ZNF420: variants seen among roughly 807,000 people sequenced by gnomAD.
ZNF420 encodes the protein zinc finger protein 420.
ZNF420 carries 31 observed loss-of-function variants against 44.7 expected under a neutral mutation model. The ratio of observed to expected loss-of-function variants is 0.69; its 90% CI spans 0.52 to 0.94. The LOEUF is 0.94. Among genes scored for constraint, ZNF420 ranks in the 40% least tolerant of loss-of-function variants. ZNF420 has a pLI of 0.00. For synonymous variants in ZNF420, 245 were observed against 267.4 expected (o/e 0.92, Z 0.82); for missense variants, 681 against 827.9 (o/e 0.82, Z 2.18).
chr19:37,023,817 C>T (rs2074666619), intron 1 of ZNF420, among the ~76,000 whole-genome samples: 1 of 152,080 alleles, frequency 6.6e-6, no homozygotes, highest in African/African-American at 2.4e-5. Context: ...AAGAGCTTAA[C>T]CATATCTAAA....
intron 1 of ZNF420, among the ~76,000 whole-genome samples, chr19:37,037,840 G>A (rs1466437626): frequency 6.6e-6 from 1 of 152,198 alleles, no homozygotes; most frequent in Non-Finnish European, 1.5e-5. Context: ...AATGTCGTGT[G>A]ACTAGCTCTA....
At chr19:37,121,444 C>G (rs377259491) in intron 4 of ZNF420, among the ~76,000 whole-genome samples, 2,607 of 149,672 alleles carry the variant, frequency 0.017, 52 homozygotes, top group East Asian at 0.046. Flanking sequence ...GAAACTGGAT[C>G]CCTTCCTTAC....
At chr19:37,030,362 C>T (rs1479207004) in intron 1 of ZNF420, among the ~76,000 whole-genome samples, 1 of 152,180 alleles carries the variant, frequency 6.6e-6, no homozygotes, top group African/African-American at 2.4e-5. Context: ...GGGGTTTCAC[C>T]GTGTTAGCCA....
intron 2 of ZNF420, among the ~76,000 whole-genome samples, chr19:37,086,884 T>C (rs1299424450): frequency 6.6e-6 from 1 of 152,212 alleles, no homozygotes; most frequent in African/African-American, 2.4e-5. Context: ...GGAACATGCA[T>C]TTTTATCTTG....
In ZNF420 at chr19:37,071,270, C is replaced by T. The variant is rs12462205; in HGVS notation, c.-124-9075C>T. 6.1e-3 allele frequency among the ~76,000 whole-genome samples: 936 copies of T among 152,252 alleles called. 28 individuals carry two copies. The highest frequency in any genetic ancestry group is 0.049 in the East Asian group (256 of 5,180). ...CATAAAAATGAATGGATTATAGCTACACTACTTAATCTCAGGAACATAATG... is the reference window on the plus strand; with the variant it reads ...CATAAAAATGAATGGATTATAGCTATACTACTTAATCTCAGGAACATAATG... On this transcript the variant is annotated intron_variant, in intron 1 of 4. Coordinates refer to the ZNF420 transcript ENST00000587029.
At chr19:37,044,171 A>G (rs149909969) in intron 1 of ZNF420, among the ~76,000 whole-genome samples, 137 of 152,328 alleles carry the variant, frequency 9.0e-4, no homozygotes, top group African/African-American at 3.2e-3. Context: ...GGCATCTGCC[A>G]CTTCTGACCT....
intron 1 of ZNF420, among the ~76,000 whole-genome samples, chr19:37,040,593 T>C (rs564612544): frequency 5.9e-5 from 9 of 152,276 alleles, no homozygotes; most frequent in South Asian, 2.1e-4. Flanking sequence ...TAAAACAAGA[T>C]ACCACATAAA....
intron 4 of ZNF420, among the ~76,000 whole-genome samples, chr19:37,100,063 C>T (rs1014083629): frequency 3.3e-5 from 5 of 152,282 alleles, no homozygotes; most frequent in Middle Eastern, 3.4e-3. Flanking sequence ...GTCTGTTTCC[C>T]TGTGTTTTCT....
At chr19:37,087,697 G>T (rs1376361281) in intron 2 of ZNF420, among the ~76,000 whole-genome samples, 1 of 152,196 alleles carries the variant, frequency 6.6e-6, no homozygotes, top group Non-Finnish European at 1.5e-5. Context: ...CCAGGCTGGA[G>T]TGCAGTGGCG....
chr19:37,033,596 T>G (rs547512752), intron 1 of ZNF420, among the ~76,000 whole-genome samples: 1 of 152,296 alleles, frequency 6.6e-6, no homozygotes, highest in East Asian at 1.9e-4. Context: ...TGTTTATCCA[T>G]TCCTCTGTCA....
intron 1 of ZNF420, among the ~76,000 whole-genome samples, chr19:37,039,701 CTTTT>C (rs3051691): frequency 1.4e-5 from 2 of 143,798 alleles, no homozygotes; most frequent in Non-Finnish European, 1.5e-5. Flanking sequence ...ATGTTTCTTT[CTTTT>C]TTTTTTTTTT....
At chr19:37,080,130 A>G (rs1968356883) in intron 1 of ZNF420, among the ~76,000 whole-genome samples, 1 of 152,222 alleles carries the variant, frequency 6.6e-6, no homozygotes, top group Non-Finnish European at 1.5e-5. Context: ...TCTCCAGTGT[A>G]CAGCTTTGAA....
At chr19:37,017,036 A>G (rs2074613735) in intron 1 of ZNF420, among the ~76,000 whole-genome samples, 1 of 152,202 alleles carries the variant, frequency 6.6e-6, no homozygotes, top group African/African-American at 2.4e-5. Flanking sequence ...GGGGGATATG[A>G]GCAGGTGACC....
intron 1 of ZNF420, among the ~76,000 whole-genome samples, chr19:37,016,768 T>C (rs1017202640): frequency 6.6e-6 from 1 of 152,202 alleles, no homozygotes; most frequent in Non-Finnish European, 1.5e-5. Context: ...ATGACGCTAC[T>C]GGGACCCCTC....
Position 37,128,246 on chromosome 19 carries a change from T to C in ZNF420, c.1255T>C (p.Tyr419His). The C allele has an allele frequency of 6.2e-7, 1 of 1,614,068 alleles. No homozygotes were observed. The highest frequency in any genetic ancestry group is 8.5e-7 in the Non-Finnish European group (1 of 1,179,958). The change falls in exon 5 of 5, where the codon TAT (tyrosine) becomes CAT (histidine). Residue 419 changes from tyrosine to histidine, a missense_variant. By Grantham distance (83) the Tyr-to-His change is moderately conservative. Around this residue, in one of 3 missense-constraint regions of ZNF420, gnomAD observed 280 missense variants for 338.6 expected, o/e 0.83. Coordinates refer to ENST00000337995, the MANE Select transcript of ZNF420 (RefSeq NM_144689.5). ...GAGAATACACACTGGTGAGAAACCC[T>C]ATCAATGTAAGGAATGTGGAAAAGC... ...HQRIHTGEKP[Y>H]QCKECGKAFN...
rs1971516001 is a variant in ZNF420, at chr19:37,128,936, G to A, written c.1945G>A (p.Gly649Arg). The A allele has an allele frequency of 6.2e-7, 1 of 1,614,086 alleles. No individual in the cohort carries two copies. Among genetic ancestry groups the A allele is most frequent in the Admixed American group, 1.7e-5 (1 of 60,014 alleles). ...GAAACCATATCAATGTAAGGAATGT[G>A]GGAAGGCCTTTACTCGTGGTTCACA... The part of the protein sequence containing the change: ...GEKPYQCKEC[G>R]KAFTRGSQLT... The change falls in exon 5 of 5, where the codon GGG (glycine) becomes AGG (arginine). Residue 649 changes from glycine (G) to arginine (R), a missense_variant. Transcript: ENST00000337995.
intron 4 of ZNF420, among the ~76,000 whole-genome samples, chr19:37,108,692 A>T (rs1443971460): frequency 6.6e-6 from 1 of 152,102 alleles, no homozygotes; most frequent in East Asian, 1.9e-4. Context: ...TGGAGTAGAG[A>T]TTCCTTTTTC....
Position 37,091,140 on chromosome 19 carries a change from A to G in ZNF420, c.136+19A>G. 6.5e-7 allele frequency: 1 copy of G among 1,540,332 alleles called. No individual in the cohort carries two copies. Among genetic ancestry groups the G allele is most frequent in the Non-Finnish European group, 8.7e-7 (1 of 1,144,086 alleles). On this transcript the variant is annotated intron_variant, in intron 4 of 4. Transcript: ENST00000337995. ...TCACTAGGTAAGGAATCTAGCCTTC[A>G]TATTTCAGGATCTACCTTTGGATTG... is the stretch of plus-strand genomic sequence containing the variant.
At chr19:37,014,197 C>T (rs2074592780) in intron 1 of ZNF420, among the ~76,000 whole-genome samples, 1 of 152,216 alleles carries the variant, frequency 6.6e-6, no homozygotes, top group East Asian at 1.9e-4. Context: ...TCGTTCCTGC[C>T]TTTTTAGGAC....
Sources: gnomAD v4.1 joint callset for allele counts (sites outside exome capture counted in the v4.1 genomes callset) on GRCh38, gnomAD v4.1.1 for gene constraint, gnomAD v4.1.1 regional missense constraint, MANE v1.5 for transcripts, NCBI Gene and HGNC (gene_info 2026-07-23, HGNC 2026-07-21) for gene names.